ELSPBP1: variants seen among roughly 807,000 people sequenced by gnomAD.
The protein encoded by ELSPBP1 is epididymal sperm binding protein 1.
ELSPBP1 carries 38 observed loss-of-function variants against 33.3 expected under a neutral mutation model. The ratio of observed to expected loss-of-function variants is 1.14; its 90% CI spans 0.88 to 1.50. The LOEUF (loss-of-function observed/expected upper bound fraction) is 1.50. Ranked by LOEUF, ELSPBP1 falls within the 40% of genes most tolerant of loss-of-function variation. ELSPBP1 has a pLI of 0.00. For synonymous variants in ELSPBP1, 85 were observed against 94.1 expected, an observed-to-expected ratio of 0.90 and a Z score of 0.56; for missense variants, 267 against 263.5, an observed-to-expected ratio of 1.01 and a Z score of -0.09.
At chr19:48,010,112 C>T (rs571395259) in intron 2 of ELSPBP1, among the ~76,000 whole-genome samples, 27 of 152,194 alleles carry the variant, frequency 1.8e-4, no homozygotes, top group Admixed American at 5.9e-4. Context: ...TGCAGTGTAG[C>T]AGTGCATTTG....
At chr19:48,006,826 G>A (rs1314478739) in intron 1 of ELSPBP1, among the ~76,000 whole-genome samples, 2 of 151,954 alleles carry the variant, frequency 1.3e-5, no homozygotes, top group Non-Finnish European at 2.9e-5. Context: ...CTCAGAAAAA[G>A]CCTGTTTGAG....
intron 5 of ELSPBP1, among the ~76,000 whole-genome samples, chr19:48,020,476 G>A (rs978577975): frequency 6.6e-6 from 1 of 152,224 alleles, no homozygotes; most frequent in Non-Finnish European, 1.5e-5. Flanking sequence ...GAACATGTGT[G>A]TTGGGAGACT....
At position 48,011,105 on chromosome 19, in the gene ELSPBP1, A is replaced by T. The variant is rs965211031; in HGVS notation, c.70+2368A>T. On this transcript the variant is annotated intron_variant, in intron 2 of 6. Transcript: ENST00000339841. The surrounding 1 kb of genome is among the most constrained non-coding windows in gnomAD (Gnocchi z 4.5). ...GATGACAACAATAATAGCGACAATG[A>T]CAATGATGATGGTGACAGTGATGAT... 1.5e-4 allele frequency among the ~76,000 whole-genome samples: 23 copies of T among 151,650 alleles called. No individual in the cohort carries two copies. Among genetic ancestry groups the T allele is most frequent in the African/African-American group, 5.3e-4 (22 of 41,178 alleles).
At chr19:48,010,408 G>T (rs1005356758) in intron 2 of ELSPBP1, among the ~76,000 whole-genome samples, 1 of 152,136 alleles carries the variant, frequency 6.6e-6, no homozygotes, top group Admixed American at 6.6e-5. Context: ...AAATTATTCA[G>T]TATACACTTA....
chr19:48,014,027 T>G, intron 2 of ELSPBP1, 144 bp from the exon 3 acceptor site: 2 of 924,046 alleles, frequency 2.2e-6, no homozygotes, highest in South Asian at 1.6e-5. Context: ...ACCGTGGGGG[T>G]TAGGATTTTA....
At chr19:47,996,401 A>G (rs1966911978) in intron 1 of ELSPBP1, among the ~76,000 whole-genome samples, 1 of 152,188 alleles carries the variant, frequency 6.6e-6, no homozygotes, top group African/African-American at 2.4e-5. Context: ...GGATGATAAG[A>G]GGATGGATTC....
intron 3 of ELSPBP1, 115 bp downstream of exon 3, chr19:48,014,423 T>C: frequency 1.7e-6 from 2 of 1,149,288 alleles, no homozygotes; most frequent in Admixed American, 2.6e-5. Flanking sequence ...GTAATACGTA[T>C]GCGTGCGTAG....
intron 1 of ELSPBP1, among the ~76,000 whole-genome samples, chr19:48,006,333 G>A (rs1432597055): frequency 6.6e-6 from 1 of 152,084 alleles, no homozygotes; most frequent in East Asian, 1.9e-4. Context: ...AAAATTTAAG[G>A]TTGGGCCCAG....
chr19:48,021,128 G>T (rs1258359603), intron 5 of ELSPBP1, among the ~76,000 whole-genome samples: 1 of 152,130 alleles, frequency 6.6e-6, no homozygotes, highest in African/African-American at 2.4e-5. Flanking sequence ...GATTCCACAG[G>T]TGCAAATGTG....
chr19:47,996,580 AAGAT>A (rs1391001021), intron 1 of ELSPBP1, among the ~76,000 whole-genome samples: 3 of 151,934 alleles, frequency 2.0e-5, no homozygotes, highest in Non-Finnish European at 4.4e-5. Flanking sequence ...ATGATGGAAG[AAGAT>A]AGATGAAAAG....
At chr19:48,013,270 T>C (rs1269612844) in intron 2 of ELSPBP1, among the ~76,000 whole-genome samples, 2 of 152,200 alleles carry the variant, frequency 1.3e-5, no homozygotes, top group Non-Finnish European at 2.9e-5. Context: ...ACCACGGTTG[T>C]CTTGGTTGTG....
Position 48,023,338 on chromosome 19 carries a change from G to GAGGGAGGAAGGAAAGAAGGA in ELSPBP1, c.*7+1018_*7+1037dup, listed in dbSNP as rs1375794507. Among the ~76,000 whole-genome samples, 6 of 132,472 alleles carry GAGGGAGGAAGGAAAGAAGGA rather than the reference G, an allele frequency of 4.5e-5. 1 individual carries two copies. Among genetic ancestry groups the GAGGGAGGAAGGAAAGAAGGA allele is most frequent in the African/African-American group, 1.7e-4 (6 of 35,622 alleles). 86.9% of individuals were successfully genotyped at this position (132,472 alleles called of 152,430 possible). On this transcript the variant is annotated intron_variant, in intron 6 of 6. Transcript: ENST00000339841. ...GAAGGAGAGAGGGAAAGAAGGAAGG[G>GAGGGAGGAAGGAAAGAAGGA]AGGGAGGAAGGAAAGAAGGAAGGGA...
At chr19:48,022,454 C>G in intron 6 of ELSPBP1, 120 bp downstream of exon 6, 1 of 904,636 alleles carries the variant, frequency 1.1e-6, no homozygotes, top group Non-Finnish European at 1.6e-6. Context: ...ATTAGCGTCG[C>G]TGATGTGAAG....
At chr19:48,024,219 A>G (rs60305795) in intron 6 of ELSPBP1, among the ~76,000 whole-genome samples, 9,189 of 151,784 alleles carry the variant, frequency 0.061, 805 homozygotes, top group African/African-American at 0.19. Context: ...TCCTCTCTCT[A>G]CATTCTTCAC....
At chr19:48,004,296 A>G (rs1284781300) in intron 1 of ELSPBP1, among the ~76,000 whole-genome samples, 1 of 151,420 alleles carries the variant, frequency 6.6e-6, no homozygotes, top group Non-Finnish European at 1.5e-5. Context: ...GGTCCCATCC[A>G]TCTCACCATG....
Position 48,016,023 on chromosome 19 carries a change from A to G in ELSPBP1, c.339A>G (p.Lys113=), listed in dbSNP as rs1967128607. ...TSVFDEKQQW[K]FCETNEYGGN... ...TCTTCGATGAGAAACAGCAGTGGAA[A>G]TTCTGTGAAACGAATGGTGAGCCCC... is the stretch of plus-strand genomic sequence containing the variant. Residue 113 remains lysine, a synonymous_variant, in exon 4 of 7, where the codon AAA becomes AAG. Coordinates refer to ENST00000339841, the MANE Select transcript of ELSPBP1 (RefSeq NM_022142.5). The G allele has an allele frequency of 6.2e-7, 1 of 1,613,494 alleles. No individual in the cohort carries two copies. Among genetic ancestry groups the G allele is most frequent in the South Asian group, 1.1e-5 (1 of 91,030 alleles).
intron 1 of ELSPBP1, among the ~76,000 whole-genome samples, chr19:48,004,621 T>C (rs1240363255): frequency 1.3e-5 from 2 of 152,182 alleles, no homozygotes; most frequent in Non-Finnish European, 2.9e-5. Flanking sequence ...GGTGTCAGCT[T>C]ACCTGTCATT....
chr19:48,003,703 A>ATTTT (rs35103928), intron 1 of ELSPBP1, among the ~76,000 whole-genome samples: 2 of 141,736 alleles, frequency 1.4e-5, no homozygotes, highest in African/African-American at 2.6e-5. Flanking sequence ...CGCCCAGCTA[A>ATTTT]TTTTTTTTTT....
Position 48,020,915 on chromosome 19 carries a change from T to TG in ELSPBP1, c.514+1045dup, listed in dbSNP as rs199851889. Among the ~76,000 whole-genome samples the TG allele has an allele frequency of 2.7e-3, 404 of 152,056 alleles. 3 individuals are homozygous for TG. The highest frequency in any genetic ancestry group is 8.9e-3 in the African/African-American group (370 of 41,488). On this transcript the variant is annotated intron_variant, in intron 5 of 6. Transcript: ENST00000339841. ...AGGGGTCAGTCCGAATAGCTGTGGG[T>TG]GGGGGGGTGTGTTGTTCCAACAACT...
Sources: gnomAD v4.1 joint callset for allele counts (sites outside exome capture counted in the v4.1 genomes callset) on GRCh38, gnomAD v4.1.1 for gene constraint, Gnocchi (gnomAD v3.1) non-coding constraint, MANE v1.5 for transcripts, NCBI Gene and HGNC (gene_info 2026-07-23, HGNC 2026-07-21) for gene names.